SASH1: variants seen among roughly 807,000 people sequenced by gnomAD.
SASH1 encodes SAM and SH3 domain-containing protein 1.
In SASH1, 44 loss-of-function variants were observed where a neutral mutation model predicts 125.2. That is an observed-to-expected ratio of 0.35 (90% CI 0.28 to 0.45). SASH1 has a LOEUF of 0.45. SASH1 is among the 20% of genes least tolerant of loss of function. The pLI is 1.00. For synonymous variants in SASH1, 639 were observed against 649.1 expected (o/e 0.98, Z 0.24); for missense variants, 1,426 against 1,614.5 (o/e 0.88, Z 2.00).
At chr6:148,432,733 G>A (rs1776117128) in intron 2 of SASH1, among the ~76,000 whole-genome samples, 1 of 152,230 alleles carries the variant, frequency 6.6e-6, no homozygotes, top group African/African-American at 2.4e-5. Flanking sequence ...AGCCTTGGCA[G>A]CATTAAGGGA....
At chr6:148,415,018 A>G (rs934768365) in intron 2 of SASH1, among the ~76,000 whole-genome samples, 1 of 152,232 alleles carries the variant, frequency 6.6e-6, no homozygotes, top group Non-Finnish European at 1.5e-5. Flanking sequence ...TAAAGTGCCA[A>G]GTATAATGCC....
rs904115131 is a variant in SASH1, at chr6:148,377,223, C to CA, written c.157-12902dup. 2.3e-4 allele frequency among the ~76,000 whole-genome samples: 30 copies of CA among 130,630 alleles called. 1 individual carries two copies. Among genetic ancestry groups the CA allele is most frequent in the Non-Finnish European group, 3.2e-4 (19 of 59,410 alleles). 85.7% of individuals were successfully genotyped at this position (130,630 alleles called of 152,430 possible). On this transcript the variant is annotated intron_variant, in intron 1 of 19. Transcript: ENST00000367467. ...AAAAAAAACAAAACAAACAAACAAA[C>CA]AAAAAAAAACACAAAAGATGAAACT... is the stretch of plus-strand genomic sequence containing the variant.
At chr6:148,326,377 T>TA (rs1780825015) in intron 1 of SASH1, among the ~76,000 whole-genome samples, 99 of 33,454 alleles carry the variant, frequency 3.0e-3, no homozygotes, top group South Asian at 5.6e-3. Context: ...TATATATACA[T>TA]TCTTTTCTTT....
the SASH1 span, among the ~76,000 whole-genome samples, chr6:148,195,723 C>T: frequency 2.0e-5 from 3 of 152,208 alleles, no homozygotes; most frequent in Admixed American, 2.0e-4. Context: ...ATTAGCCTCT[C>T]TTACGCGCCT....
chr6:148,512,895 C>T (rs1583281484), intron 8 of SASH1: 1 of 985,178 alleles, frequency 1.0e-6, no homozygotes, highest in Non-Finnish European at 1.2e-6. Flanking sequence ...AGTGGGTAAA[C>T]GGTTTGCTGA....
rs1782807547 is a variant in SASH1 at position 148,550,134 on chromosome 6, G to A, written c.*1576G>A. The A allele has an allele frequency of 6.6e-6, 1 of 152,158 alleles. No individual in the cohort carries two copies. The highest frequency in any genetic ancestry group is 1.5e-5 in the Non-Finnish European group (1 of 68,038). The allele number at this position is 152,158 out of a possible 1,614,324, so 9.4% of individuals were successfully genotyped here. ...CTGGCCTCTGTCCTCTTTTAGTCTA[G>A]TGTCTGGTTTTCTAGCAAACAGTAA... On this transcript the variant is annotated 3_prime_UTR_variant, in exon 20 of 20. Transcript: ENST00000367467.
At chr6:148,221,592 C>T in the SASH1 span, among the ~76,000 whole-genome samples, 1 of 152,218 alleles carries the variant, frequency 6.6e-6, no homozygotes, top group Non-Finnish European at 1.5e-5. Context: ...ACAGAATTTA[C>T]AGTGGCTACT....
At chr6:148,302,680 C>T (rs1461002590) in intron 1 of SASH1, among the ~76,000 whole-genome samples, 2 of 12,144 alleles carry the variant, frequency 1.6e-4, no homozygotes, top group Non-Finnish European at 3.3e-4. Context: ...CACACACACA[C>T]GGAGAAATAT....
intron 1 of SASH1, among the ~76,000 whole-genome samples, chr6:148,387,028 T>C (rs968400553): frequency 1.3e-5 from 2 of 151,940 alleles, no homozygotes; most frequent in Admixed American, 6.6e-5. Flanking sequence ...GCTTTCTCTC[T>C]CTCTTTCTTT....
rs1265402543 is a variant in SASH1 at position 148,519,017 on chromosome 6, C to T, written c.863-530C>T. 5.3e-5 allele frequency among the ~76,000 whole-genome samples: 8 copies of T among 152,300 alleles called. No individual in the cohort carries two copies. Among genetic ancestry groups the T allele is most frequent in the Admixed American group, 6.5e-5 (1 of 15,292 alleles). On this transcript the variant is annotated intron_variant, in intron 9 of 19. Coordinates refer to ENST00000367467, the MANE Select transcript of SASH1 (RefSeq NM_015278.5). The surrounding 1 kb of genome is among the most constrained non-coding windows in gnomAD (Gnocchi z 4.8). ...TGTCAGTCACATTTGCAAGATACAA[C>T]GCTTTATAGTGTTTCTCCCCACCAA...
chr6:148,542,429 C>G (rs570454602), intron 17 of SASH1, among the ~76,000 whole-genome samples: 2 of 152,244 alleles, frequency 1.3e-5, no homozygotes, highest in East Asian at 3.9e-4. Flanking sequence ...CTCTGTCGCC[C>G]AGGCTGGAGT....
At chr6:148,403,420 T>G (rs1338442498) in intron 2 of SASH1, among the ~76,000 whole-genome samples, 1 of 151,812 alleles carries the variant, frequency 6.6e-6, no homozygotes, top group Non-Finnish European at 1.5e-5. Context: ...TAATTTTTGC[T>G]ATACAATTAC....
chr6:148,291,638 C>T (rs753395518), intron 1 of SASH1, among the ~76,000 whole-genome samples: 2 of 152,080 alleles, frequency 1.3e-5, no homozygotes, highest in African/African-American at 2.4e-5. Context: ...GAGTTGTGAT[C>T]ACACCGCTGC....
chr6:148,508,772 G>A lies in SASH1; in HGVS notation c.730-5552G>A, dbSNP rs193204739. The stretch of plus-strand genomic sequence containing the variant: ...TGCCTAATCTTAATTTTGAGATTGC[G>A]GAGTTTGATGCTACAAGAGTGAAGA... On this transcript the variant is annotated intron_variant, in intron 8 of 19. Transcript: ENST00000367467. 2.7e-4 allele frequency: 335 copies of A among 1,254,314 alleles called. 3 individuals carry two copies. In the East Asian group the frequency reaches 0.016, roughly 62 times the overall value. 77.7% of individuals were successfully genotyped at this position (1,254,314 alleles called of 1,614,324 possible). A position where few individuals can be genotyped will look rare whatever the true frequency, so the allele number is the denominator to read the frequency against.
intron 1 of SASH1, among the ~76,000 whole-genome samples, chr6:148,320,157 A>G (rs1482131196): frequency 6.6e-6 from 1 of 152,220 alleles, no homozygotes; most frequent in Non-Finnish European, 1.5e-5. Flanking sequence ...AAAACATAAT[A>G]TCTATAGGGT....
chr6:148,507,420 G>T (rs561001310), intron 8 of SASH1, among the ~76,000 whole-genome samples: 6 of 152,148 alleles, frequency 3.9e-5, no homozygotes, highest in African/African-American at 1.4e-4. Context: ...GCCCAAGCTG[G>T]AGTGCAGTCA....
chr6:148,195,875 C>G, the SASH1 span, among the ~76,000 whole-genome samples: 1 of 152,172 alleles, frequency 6.6e-6, no homozygotes, highest in Non-Finnish European at 1.5e-5. Flanking sequence ...TTTGGAGGGC[C>G]TGGTATATTT....
intron 1 of SASH1, among the ~76,000 whole-genome samples, chr6:148,386,069 C>G (rs1783353761): frequency 6.6e-6 from 1 of 152,118 alleles, no homozygotes; most frequent in African/African-American, 2.4e-5. Context: ...GAGGCTGTCT[C>G]TGGTTCGGTA....
chr6:148,414,154 A>C (rs1562391471), intron 2 of SASH1, among the ~76,000 whole-genome samples: 2 of 152,156 alleles, frequency 1.3e-5, no homozygotes, highest in Non-Finnish European at 2.9e-5. Context: ...AAGGAAATAA[A>C]AGAAGCACTA....
Sources: allele counts gnomAD v4.1 joint callset (sites outside exome capture counted in the v4.1 genomes callset), GRCh38; gene constraint gnomAD v4.1.1; non-coding constraint Gnocchi (gnomAD v3.1); transcripts MANE v1.5; gene names NCBI Gene and HGNC (gene_info 2026-07-23, HGNC 2026-07-21).